The following CEP63 variants were observed in gnomAD, a reference collection of about 807,000 sequenced individuals.
CEP63 encodes the protein centrosomal protein of 63 kDa.
Under a neutral mutation model 89.1 loss-of-function variants are expected in CEP63, and 84 were observed. That is an observed-to-expected ratio of 0.94 (90% CI 0.79 to 1.13). The LOEUF is 1.13. Ranked by LOEUF, CEP63 falls within the 50% of genes most tolerant of loss-of-function variation. The probability of loss-of-function intolerance (pLI) is 0.00; values close to 1 mark genes in which losing one functional copy is unlikely to be tolerated. For missense variants in CEP63, 838 were observed against 813.3 expected (o/e 1.03, Z -0.37); for synonymous variants, 267 against 272.5 (o/e 0.98, Z 0.20).
intron 3 of CEP63, among the ~76,000 whole-genome samples, chr3:134,519,522 G>GAA (rs771260207): frequency 1.1e-4 from 16 of 152,114 alleles, no homozygotes; most frequent in Non-Finnish European, 1.8e-4. Flanking sequence ...GACATTTTAA[G>GAA]AAATAAGTAA....
downstream of CEP63, among the ~76,000 whole-genome samples, chr3:134,591,097 C>A (rs1958587699): frequency 6.6e-6 from 1 of 152,160 alleles, no homozygotes; most frequent in Admixed American, 6.5e-5. Flanking sequence ...TCTCTGAGAC[C>A]TTGAATGTTT....
At chr3:134,620,701 A>G in the CEP63 span, 3 of 1,340,652 alleles carry the variant, frequency 2.2e-6, no homozygotes, top group African/African-American at 4.3e-5. Flanking sequence ...GCCTGCAGGG[A>G]ATGGAAGCAA....
At chr3:134,496,268 C>T (rs1202851033) in intron 2 of CEP63, among the ~76,000 whole-genome samples, 1 of 152,196 alleles carries the variant, frequency 6.6e-6, no homozygotes, top group Non-Finnish European at 1.5e-5. Context: ...ACTACCAGTT[C>T]ACTCAATAGT....
Position 134,564,637 on chromosome 3 carries a change from A to G in CEP63, c.*3102A>G, listed in dbSNP as rs1361840549. 8.1e-6 allele frequency: 8 copies of G among 985,266 alleles called. No individual in the cohort carries two copies. Among genetic ancestry groups the G allele is most frequent in the Non-Finnish European group, 9.6e-6 (8 of 829,894 alleles). 61.0% of individuals were successfully genotyped at this position (985,266 alleles called of 1,614,324 possible). On this transcript the variant is annotated 3_prime_UTR_variant, in exon 15 of 15. Coordinates refer to ENST00000675561, the MANE Select transcript of CEP63 (RefSeq NM_001353108.3). ...TATCAGTAAAACTGAAATAATATCT[A>G]ATGGGGTCGAGAAGATTTACTGAAA...
At chr3:134,587,833 CT>C (rs1958516632), downstream of CEP63, among the ~76,000 whole-genome samples, 1 of 149,082 alleles carries the variant, frequency 6.7e-6, no homozygotes, top group Non-Finnish European at 1.5e-5. Flanking sequence ...ATGGACCCCC[CT>C]ATAAAAAAAA....
At chr3:134,602,196 T>C in the CEP63 span, among the ~76,000 whole-genome samples, 1 of 151,982 alleles carries the variant, frequency 6.6e-6, no homozygotes, top group Non-Finnish European at 1.5e-5. Context: ...GCAGGGAGCA[T>C]GTCTGTGTGC....
At chr3:134,560,161 C>A (rs1251493938) in intron 14 of CEP63, among the ~76,000 whole-genome samples, 2 of 152,222 alleles carry the variant, frequency 1.3e-5, no homozygotes, top group African/African-American at 4.8e-5. Context: ...CCAGAACTTT[C>A]CCTGGCCTGA....
the CEP63 span, among the ~76,000 whole-genome samples, chr3:134,678,634 T>C: frequency 4.2e-3 from 634 of 152,362 alleles, 3 homozygotes; most frequent in African/African-American, 0.014. Flanking sequence ...TCAACACTTA[T>C]GAAGTGGGTT....
chr3:134,778,340 G>A, the CEP63 span, among the ~76,000 whole-genome samples: 9 of 151,928 alleles, frequency 5.9e-5, no homozygotes, highest in South Asian at 1.5e-3. Flanking sequence ...CAGGTGATCT[G>A]CCCACCTCGC....
the CEP63 span, among the ~76,000 whole-genome samples, chr3:134,732,108 A>G: frequency 1.3e-5 from 2 of 152,214 alleles, no homozygotes; most frequent in African/African-American, 4.8e-5. Flanking sequence ...CTGCAGAGAT[A>G]AAAAATGAAC....
At chr3:134,611,314 T>A in the CEP63 span, among the ~76,000 whole-genome samples, 1 of 152,138 alleles carries the variant, frequency 6.6e-6, no homozygotes. Flanking sequence ...CATTTGGAGC[T>A]AAAACCCTGA....
At chr3:134,537,059 A>G in intron 5 of CEP63, 96 bp from the exon 6 acceptor site, 2 of 812,894 alleles carry the variant, frequency 2.5e-6, no homozygotes, top group Non-Finnish European at 2.2e-6. Context: ...AAGCGTACCC[A>G]GGGACATGGG....
chr3:134,633,232 G>T, the CEP63 span, among the ~76,000 whole-genome samples: 2 of 152,048 alleles, frequency 1.3e-5, no homozygotes, highest in Non-Finnish European at 2.9e-5. Flanking sequence ...CAGAAGAGAA[G>T]TGAATGCTTC....
intron 3 of CEP63, among the ~76,000 whole-genome samples, chr3:134,520,809 A>G (rs1327527181): frequency 1.3e-5 from 2 of 152,162 alleles, no homozygotes; most frequent in Admixed American, 6.5e-5. Context: ...CACTGGATCA[A>G]CTGAGTAACA....
the CEP63 span, among the ~76,000 whole-genome samples, chr3:134,682,555 C>T: frequency 6.6e-5 from 10 of 152,182 alleles, no homozygotes; most frequent in South Asian, 2.1e-4. Context: ...CTCTGGAACA[C>T]TATTATTAAT....
chr3:134,554,194 T>C (rs1471238437), intron 12 of CEP63, among the ~76,000 whole-genome samples: 2 of 151,910 alleles, frequency 1.3e-5, no homozygotes, highest in Admixed American at 1.3e-4. Flanking sequence ...TAACTCGTTA[T>C]CTAGCATTAG....
intron 7 of CEP63, 122 bp downstream of exon 7, chr3:134,545,941 C>A: frequency 1.2e-6 from 1 of 840,150 alleles, no homozygotes; most frequent in Non-Finnish European, 1.9e-6. Context: ...AATGATGGAT[C>A]AGATATTGAT....
At chr3:134,683,524 A>G in the CEP63 span, among the ~76,000 whole-genome samples, 1 of 152,202 alleles carries the variant, frequency 6.6e-6, no homozygotes, top group African/African-American at 2.4e-5. Context: ...TCTAAGGTTG[A>G]GATTTGTTAT....
chr3:134,550,116 A>T lies in CEP63; in HGVS notation c.1236A>T (p.Gly412=), dbSNP rs1291803385. Residue 412 remains glycine (G), a synonymous_variant, in exon 11 of 15, where the codon GGA becomes GGT. Coordinates refer to ENST00000675561, the MANE Select transcript of CEP63 (RefSeq NM_001353108.3). ...AAAGTTACAGTTCTGCACTAGAAGG[A>T]ATGAAGATGGAAATCTCCCATCTAA... The part of the protein sequence containing the change: ...GEQSYSSALE[G]MKMEISHLTQ... 5 of 1,613,828 alleles carry T rather than the reference A, an allele frequency of 3.1e-6. No individual in the cohort carries two copies. Among genetic ancestry groups the T allele is most frequent in the Admixed American group, 1.7e-5 (1 of 60,000 alleles).
Sources: allele counts gnomAD v4.1 joint callset (sites outside exome capture counted in the v4.1 genomes callset), GRCh38; gene constraint gnomAD v4.1.1; transcripts MANE v1.5; gene names NCBI Gene and HGNC (gene_info 2026-07-23, HGNC 2026-07-21).